Variants in AEBP2 observed in about 807,000 individuals in gnomAD.
AEBP2 encodes the protein zinc finger protein AEBP2.
Under a neutral mutation model 50.8 loss-of-function variants are expected in AEBP2, and 10 were observed. The ratio of observed to expected loss-of-function variants is 0.20; its 90% CI spans 0.12 to 0.33. The LOEUF is 0.33. Ranked by LOEUF, AEBP2 falls within the 10% of genes least tolerant of loss-of-function variation. The pLI, the probability that AEBP2 is intolerant of heterozygous loss-of-function variation, is 1.00. For missense variants in AEBP2, 570 were observed against 688.0 expected, an observed-to-expected ratio of 0.83 and a Z score of 1.92; for synonymous variants, 296 against 261.3, an observed-to-expected ratio of 1.13 and a Z score of -1.28.
At chr12:19,423,939 T>C (rs1014058219) in intron 1 of AEBP2, among the ~76,000 whole-genome samples, 2 of 152,240 alleles carry the variant, frequency 1.3e-5, no homozygotes, top group African/African-American at 2.4e-5. Context: ...AAATTTTATA[T>C]ATTGGTCCCA....
At chr12:19,451,346 G>A (rs1204470971) in intron 1 of AEBP2, among the ~76,000 whole-genome samples, 1 of 152,132 alleles carries the variant, frequency 6.6e-6, no homozygotes, top group Admixed American at 6.5e-5. Context: ...GCCTGGGCTG[G>A]GAAGACTCAA....
At chr12:19,468,393 A>G (rs1328771487) in intron 2 of AEBP2, among the ~76,000 whole-genome samples, 2 of 152,152 alleles carry the variant, frequency 1.3e-5, no homozygotes, top group African/African-American at 4.8e-5. Flanking sequence ...TTATTTTGGC[A>G]TGTAGATTAT....
At chr12:19,476,838 A>G (rs1476043327) in intron 3 of AEBP2, among the ~76,000 whole-genome samples, 7 of 152,092 alleles carry the variant, frequency 4.6e-5, no homozygotes. Flanking sequence ...GTGTGTTTCT[A>G]GTTCTGTGAA....
intron 2 of AEBP2, among the ~76,000 whole-genome samples, chr12:19,471,380 G>C (rs1231857355): frequency 6.6e-6 from 1 of 151,998 alleles, no homozygotes; most frequent in Non-Finnish European, 1.5e-5. Flanking sequence ...GCCTTCCAAA[G>C]TGCTGGGGTT....
intron 3 of AEBP2, among the ~76,000 whole-genome samples, chr12:19,491,621 A>G (rs1339955664): frequency 6.6e-6 from 1 of 152,100 alleles, no homozygotes; most frequent in Admixed American, 6.6e-5. Context: ...AACATTTTTC[A>G]TAGAGACGCT....
upstream of AEBP2, among the ~76,000 whole-genome samples, chr12:19,438,832 T>C (rs1468784509): frequency 6.6e-6 from 1 of 152,196 alleles, no homozygotes; most frequent in Non-Finnish European, 1.5e-5. Flanking sequence ...TGGATATTAG[T>C]GGGTGTTAAA....
chr12:19,425,130 C>T (rs2095747865), intron 1 of AEBP2, among the ~76,000 whole-genome samples: 2 of 152,200 alleles, frequency 1.3e-5, no homozygotes, highest in African/African-American at 4.8e-5. Context: ...CCACAAGTCA[C>T]TCAGGGACCC....
chr12:19,447,756 A>C (rs1355154719), intron 1 of AEBP2, among the ~76,000 whole-genome samples: 10 of 152,218 alleles, frequency 6.6e-5, no homozygotes, highest in Admixed American at 6.5e-4. Flanking sequence ...ATAAGCGATC[A>C]GTATTGTAGT....
chr12:19,495,618 C>T (rs1326046770), intron 4 of AEBP2, among the ~76,000 whole-genome samples: 5 of 151,014 alleles, frequency 3.3e-5, no homozygotes, highest in Non-Finnish European at 4.4e-5. Flanking sequence ...CATGGCTTAC[C>T]GCAGTTTCAG....
At chr12:19,498,515 T>C (rs1263502363) in intron 4 of AEBP2, among the ~76,000 whole-genome samples, 1 of 152,198 alleles carries the variant, frequency 6.6e-6, no homozygotes, top group Non-Finnish European at 1.5e-5. Flanking sequence ...TTTGTGTAGA[T>C]GTTTTGAGAA....
chr12:19,452,515 G>A (rs1368671590), intron 1 of AEBP2, among the ~76,000 whole-genome samples: 1 of 146,066 alleles, frequency 6.8e-6, no homozygotes, highest in Non-Finnish European at 1.5e-5. Flanking sequence ...TTTTTTTTTT[G>A]TTGTTAATGG....
intron 1 of AEBP2, 35 bp from the exon 2 acceptor site, chr12:19,462,475 C>T: frequency 6.6e-7 from 1 of 1,519,806 alleles, no homozygotes; most frequent in East Asian, 2.4e-5. Context: ...TAGTGAATTT[C>T]TAGGAATAAC....
chr12:19,504,387 C>T (rs868551611), intron 5 of AEBP2, among the ~76,000 whole-genome samples: 2 of 151,360 alleles, frequency 1.3e-5, no homozygotes, highest in African/African-American at 4.9e-5. Flanking sequence ...GGCGCCCCCC[C>T]CACCACGCCT....
chr12:19,456,505 C>G, intron 1 of AEBP2: 1 of 1,513,188 alleles, frequency 6.6e-7, no homozygotes, highest in Non-Finnish European at 9.2e-7. Flanking sequence ...TCCATCTTTT[C>G]CTTCAGCTCA....
intron 1 of AEBP2, chr12:19,440,742 A>G (rs567749466): frequency 5.2e-6 from 8 of 1,533,504 alleles, no homozygotes; most frequent in Non-Finnish European, 7.0e-6. Flanking sequence ...GCTTCTTCCA[A>G]CCGTGTTCGG....
At position 19,440,317 on chromosome 12, in the gene AEBP2, C is replaced by T. The variant is rs774679287; in HGVS notation, c.618C>T (p.Ser206=). The T allele has an allele frequency of 2.7e-6, 4 of 1,467,218 alleles. No homozygotes were observed. Among genetic ancestry groups the T allele is most frequent in the Non-Finnish European group, 3.6e-6 (4 of 1,117,682 alleles). 90.9% of individuals were successfully genotyped at this position (1,467,218 alleles called of 1,614,324 possible). ...SSATSGGRRG[S]LEMSSDGEPL... ...CGACCTCCGGGGGCCGGCGGGGCAG[C>T]TTGGAGATGTCGTCGGATGGGGAAC... is the stretch of plus-strand genomic sequence containing the variant. The change falls in exon 1 of 8, where the codon AGC becomes AGT. Residue 206 remains serine (S), a synonymous_variant. Coordinates refer to ENST00000266508, the MANE Select transcript of AEBP2 (RefSeq NM_153207.5).
At chr12:19,440,427 CAG>C (rs541690522) in intron 1 of AEBP2, 57 bp downstream of exon 1, 136 of 1,449,210 alleles carry the variant, frequency 9.4e-5, no homozygotes, top group Non-Finnish European at 1.1e-4. Context: ...CCGGGCCCCT[CAG>C]AGGGGGACCA....
chr12:19,501,647 AAT>A (rs1491425928), intron 5 of AEBP2, among the ~76,000 whole-genome samples: 61 of 122,226 alleles, frequency 5.0e-4, no homozygotes, highest in South Asian at 2.1e-3. Context: ...GAAAAAAAAA[AAT>A]TATATATACA....
chr12:19,473,385 A>T (rs752549686), intron 3 of AEBP2, 30 bp downstream of exon 3: 1 of 483,782 alleles, frequency 2.1e-6, no homozygotes, highest in African/African-American at 3.1e-5. Flanking sequence ...AAATTTATTT[A>T]TTTATTTATT....
Sources: gnomAD v4.1 joint callset for allele counts (sites outside exome capture counted in the v4.1 genomes callset) on GRCh38, gnomAD v4.1.1 for gene constraint, MANE v1.5 for transcripts, NCBI Gene and HGNC (gene_info 2026-07-23, HGNC 2026-07-21) for gene names.